The following CSMD2 variants were observed in gnomAD, a reference collection of about 807,000 sequenced individuals.
CSMD2 encodes CUB and Sushi multiple domains 2.
In CSMD2, 130 loss-of-function variants were observed where a neutral mutation model predicts 398.5. The ratio of observed to expected loss-of-function variants is 0.33; its 90% confidence interval spans 0.28 to 0.38. CSMD2 has a LOEUF of 0.38. Ranked by LOEUF, CSMD2 falls within the 10% of genes least tolerant of loss-of-function variation. The probability of loss-of-function intolerance (pLI) is 1.00; values close to 1 mark genes in which losing one functional copy is unlikely to be tolerated. For synonymous variants in CSMD2, 1,828 were observed against 1,908.5 expected, an observed-to-expected ratio of 0.96 and a Z score of 1.10; for missense variants, 3,829 against 4,764.9, an observed-to-expected ratio of 0.80 and a Z score of 5.78.
chr1:33,644,484 G>C (rs977615539), intron 29 of CSMD2, among the ~76,000 whole-genome samples: 2 of 152,174 alleles, frequency 1.3e-5, no homozygotes, highest in African/African-American at 4.8e-5. Flanking sequence ...GGCAGCTCTG[G>C]TGGTTGCTAA....
chr1:33,613,735 G>A (rs956381587), intron 40 of CSMD2, among the ~76,000 whole-genome samples: 1 of 152,200 alleles, frequency 6.6e-6, no homozygotes, highest in Non-Finnish European at 1.5e-5. Context: ...TAGAAGCAGT[G>A]CAATGGCTTG....
intron 1 of CSMD2, among the ~76,000 whole-genome samples, chr1:34,096,547 A>G (rs1249311246): frequency 7.0e-6 from 1 of 142,282 alleles, no homozygotes; most frequent in Non-Finnish European, 1.5e-5. Context: ...TAAGCTGATA[A>G]GCAACTTCAG....
At chr1:33,684,055 G>A (rs576715810) in intron 25 of CSMD2, among the ~76,000 whole-genome samples, 5 of 152,202 alleles carry the variant, frequency 3.3e-5, no homozygotes, top group Non-Finnish European at 7.3e-5. Flanking sequence ...CCACTTGCTG[G>A]CTGGAGGGAG....
At chr1:33,652,284 C>T in intron 28 of CSMD2, 39 bp downstream of exon 28, 1 of 1,610,402 alleles carries the variant, frequency 6.2e-7, no homozygotes, top group Non-Finnish European at 8.5e-7. Context: ...CCTAGCCACT[C>T]TGAACCCTTC....
Position 33,537,965 on chromosome 1 carries a change from C to T in CSMD2, c.9632-356G>A, listed in dbSNP as rs753123958. ...TTGTTCAGTTGTATGGAAACTTGTGCGGAGCGGCAAACCCAAGCCTATGTG... is the reference window on the plus strand; with the variant it reads ...TTGTTCAGTTGTATGGAAACTTGTGTGGAGCGGCAAACCCAAGCCTATGTG... On this transcript the variant is annotated intron_variant, in intron 60 of 70. Transcript: ENST00000373381. This position sits in a 1 kb window ranked among gnomAD's most constrained non-coding sequence, Gnocchi z 4.6. 3.3e-5 allele frequency among the ~76,000 whole-genome samples: 5 copies of T among 152,336 alleles called. No homozygotes were observed. In the East Asian group the frequency reaches 5.8e-4, roughly 18 times the overall value.
intron 19 of CSMD2, among the ~76,000 whole-genome samples, chr1:33,723,672 G>C (rs992468697): frequency 6.6e-6 from 1 of 152,190 alleles, no homozygotes; most frequent in African/African-American, 2.4e-5. Context: ...TGCAAGAAGG[G>C]GATCGCTGTG....
chr1:33,577,081 G>A (rs900090283), intron 49 of CSMD2, among the ~76,000 whole-genome samples: 3 of 152,130 alleles, frequency 2.0e-5, no homozygotes, highest in African/African-American at 4.8e-5. Context: ...TCCTTCCTCT[G>A]CCACTTTGCA....
chr1:34,147,723 CAG>C (rs1314648573), intron 1 of CSMD2, among the ~76,000 whole-genome samples: 1 of 148,444 alleles, frequency 6.7e-6, no homozygotes, highest in Non-Finnish European at 1.5e-5. Flanking sequence ...GGGAGGGAAA[CAG>C]AGGGGAGGGA....
intron 57 of CSMD2, among the ~76,000 whole-genome samples, chr1:33,544,123 T>C (rs1656628817): frequency 7.4e-6 from 1 of 135,172 alleles, no homozygotes; most frequent in African/African-American, 2.6e-5. Context: ...TTTTTTTTTT[T>C]TGAGACGGAG....
chr1:33,540,735 G>A (rs1200978454), intron 59 of CSMD2, 37 bp from the exon 60 acceptor site: 25 of 1,609,822 alleles, frequency 1.6e-5, no homozygotes, highest in Non-Finnish European at 2.0e-5. Context: ...TTCTGATGCT[G>A]TCCTGGGAAA....
chr1:34,115,026 G>T (rs1050376741), intron 1 of CSMD2, among the ~76,000 whole-genome samples: 1 of 151,908 alleles, frequency 6.6e-6, no homozygotes, highest in Non-Finnish European at 1.5e-5. Flanking sequence ...TCAAAAACAG[G>T]TCATTTGAAA....
At chr1:33,808,658 A>T (rs2124953054) in intron 10 of CSMD2, among the ~76,000 whole-genome samples, 1 of 152,152 alleles carries the variant, frequency 6.6e-6, no homozygotes, top group Admixed American at 6.5e-5. Flanking sequence ...TAATGAACAA[A>T]GCATCAAAAT....
chr1:33,552,588 T>C (rs938373882), intron 55 of CSMD2, among the ~76,000 whole-genome samples: 1 of 152,234 alleles, frequency 6.6e-6, no homozygotes, highest in South Asian at 2.1e-4. Flanking sequence ...ATTCATACCA[T>C]GAAATAGTAT....
At chr1:34,050,936 T>C (rs1234979998) in intron 2 of CSMD2, among the ~76,000 whole-genome samples, 1 of 152,154 alleles carries the variant, frequency 6.6e-6, no homozygotes, top group Admixed American at 6.5e-5. Flanking sequence ...CCAGAGGTCT[T>C]AGTTCCAGGT....
intron 13 of CSMD2, among the ~76,000 whole-genome samples, chr1:33,755,335 G>A (rs1199636699): frequency 1.3e-5 from 2 of 152,190 alleles, no homozygotes; most frequent in African/African-American, 4.8e-5. Flanking sequence ...AGAGCCTGGT[G>A]AAAGTTATCA....
chr1:33,541,020 T>C (rs1014444391), intron 59 of CSMD2, 110 bp downstream of exon 59: 3 of 1,104,226 alleles, frequency 2.7e-6, no homozygotes, highest in Admixed American at 2.0e-5. Context: ...CCTGATAAGA[T>C]GTTAGGGCTG....
intron 42 of CSMD2, among the ~76,000 whole-genome samples, chr1:33,604,768 C>T (rs76858469): frequency 0.018 from 2,696 of 152,296 alleles, 82 homozygotes; most frequent in African/African-American, 0.059. Context: ...AAAGTGCCAC[C>T]TCCAGCTCCC....
chr1:34,003,831 T>C (rs1404695409), intron 3 of CSMD2, among the ~76,000 whole-genome samples: 2 of 152,204 alleles, frequency 1.3e-5, no homozygotes, highest in South Asian at 2.1e-4. Flanking sequence ...AAGTCTCAGA[T>C]TGAGCTTTAG....
chr1:34,043,607 A>T (rs1040701976), intron 2 of CSMD2, among the ~76,000 whole-genome samples: 1 of 152,216 alleles, frequency 6.6e-6, no homozygotes, highest in African/African-American at 2.4e-5. Context: ...TAGAGTCAAT[A>T]AATGACGGTT....
Sources: allele counts gnomAD v4.1 joint callset (sites outside exome capture counted in the v4.1 genomes callset), GRCh38; gene constraint gnomAD v4.1.1; non-coding constraint Gnocchi (gnomAD v3.1); transcripts MANE v1.5; gene names NCBI Gene and HGNC (gene_info 2026-07-23, HGNC 2026-07-21).